PRRC2C: variants seen among roughly 807,000 people sequenced by gnomAD.
PRRC2C encodes protein PRRC2C.
PRRC2C carries 72 observed loss-of-function variants against 317.2 expected under a neutral mutation model. The ratio of observed to expected loss-of-function variants is 0.23; its 90% CI spans 0.19 to 0.28. PRRC2C has a LOEUF of 0.28. PRRC2C is among the 10% of genes least tolerant of loss of function. The pLI, the probability that PRRC2C is intolerant of heterozygous loss-of-function variation, is 1.00. For synonymous variants in PRRC2C, 1,296 were observed against 1,205.9 expected, an observed-to-expected ratio of 1.07 and a Z score of -1.55; for missense variants, 3,074 against 3,459.7, an observed-to-expected ratio of 0.89 and a Z score of 2.80.
chr1:171,528,586 C>A (rs547869014), intron 11 of PRRC2C, among the ~76,000 whole-genome samples: 2 of 152,096 alleles, frequency 1.3e-5, no homozygotes, highest in African/African-American at 4.8e-5. Context: ...CCACCGCGCC[C>A]GGCCAATGAA....
chr1:171,494,070 A>G (rs1667674739), intron 1 of PRRC2C, among the ~76,000 whole-genome samples: 1 of 152,270 alleles, frequency 6.6e-6, no homozygotes, highest in Non-Finnish European at 1.5e-5. Context: ...AAACAAAAAC[A>G]GTTTTAAGAG....
chr1:171,504,656 C>T (rs987701894), intron 1 of PRRC2C, among the ~76,000 whole-genome samples: 11 of 152,098 alleles, frequency 7.2e-5, no homozygotes, highest in Non-Finnish European at 1.5e-5. Flanking sequence ...ACCACACTGT[C>T]TTCATTGCTG....
At chr1:171,496,070 A>ACCAAGGC (rs1173175879) in intron 1 of PRRC2C, among the ~76,000 whole-genome samples, 11 of 151,748 alleles carry the variant, frequency 7.2e-5, no homozygotes, top group Non-Finnish European at 1.6e-4. Flanking sequence ...TAATTACCTC[A>ACCAAGGC]CCAAGGCCCC....
intron 20 of PRRC2C, among the ~76,000 whole-genome samples, chr1:171,564,031 G>A (rs1426308410): frequency 1.3e-5 from 2 of 152,008 alleles, no homozygotes; most frequent in African/African-American, 4.8e-5. Flanking sequence ...TTGTCTTTGT[G>A]TTCTTTATGT....
intron 17 of PRRC2C, among the ~76,000 whole-genome samples, chr1:171,547,232 C>T (rs973512232): frequency 6.6e-6 from 1 of 152,100 alleles, no homozygotes; most frequent in African/African-American, 2.4e-5. Context: ...GTCTTTAGTT[C>T]TTTTTCCTGG....
chr1:171,498,815 T>C (rs1481229637), intron 1 of PRRC2C, among the ~76,000 whole-genome samples: 1 of 152,176 alleles, frequency 6.6e-6, no homozygotes, highest in African/African-American at 2.4e-5. Flanking sequence ...GCTTTCTTTT[T>C]TTTGTTTTTG....
chr1:171,566,229 C>A lies in PRRC2C; in HGVS notation c.6118-4C>A. 6.2e-7 allele frequency: 1 copy of A among 1,604,148 alleles called. No individual in the cohort carries two copies. The highest frequency in any genetic ancestry group is 2.2e-5 in the East Asian group (1 of 44,652). ...AAGCAAGTTTTAAAATATTCTTTTA[C>A]TAGGGAGCGAAGAATGGTCAAGAAA... On this transcript the variant is annotated splice_polypyrimidine_tract_variant and splice_region_variant and intron_variant, in intron 20 of 34. Transcript: ENST00000647382.
At chr1:171,512,530 T>C (rs1179014823) in intron 2 of PRRC2C, 1 of 281,666 alleles carries the variant, frequency 3.6e-6, no homozygotes, top group African/African-American at 2.2e-5. Context: ...AGTATCTTTT[T>C]AATTATAGAC....
chr1:171,540,423 T>C lies in PRRC2C; in HGVS notation c.2957T>C (p.Val986Ala), dbSNP rs1677754868. The C allele has an allele frequency of 8.1e-6, 13 of 1,612,754 alleles. No homozygotes were observed. The East Asian group carries it at 2.9e-4, about 36-fold the overall frequency. Residue 986 changes from valine (V) to alanine (A), a missense_variant, in exon 16 of 35, where the codon GTA becomes GCA. This residue lies in a region of PRRC2C where 1,320 missense variants were observed against 1,395.7 expected (regional missense o/e 0.95). Transcript: ENST00000647382. ...RSSEGPKPEK[V>A]YKSKSETRWG... ...TCTGAAGGACCAAAACCTGAAAAAGTATATAAATCTAAATCAGAAACTCGT... is the reference window on the plus strand; with the variant it reads ...TCTGAAGGACCAAAACCTGAAAAAGCATATAAATCTAAATCAGAAACTCGT...
Position 171,568,514 on chromosome 1 carries a change from G to C in PRRC2C, c.6651+175G>C, listed in dbSNP as rs1684102669. On this transcript the variant is annotated intron_variant, in intron 23 of 34. Transcript: ENST00000647382. ...ATAATTAGCAAAAATAGTCAAAGCT[G>C]AGTTTTTTATTTTTCCTCTGAAAGC... Among the ~76,000 whole-genome samples the C allele has an allele frequency of 2.6e-5, 4 of 152,152 alleles. 1 individual carries two copies. Among genetic ancestry groups the C allele is most frequent in the Admixed American group, 2.6e-4 (4 of 15,274 alleles).
In PRRC2C at chr1:171,532,748, CAA is replaced by C. The variant is rs1557933353; in HGVS notation, c.1662_1663del (p.Glu556AsnfsTer34). On this transcript the variant is annotated frameshift_variant, in exon 12 of 35. Transcript: ENST00000647382. LOFTEE classifies it high-confidence loss of function. ...EKELEKEQEK[Q>X]REMEKERKQE... ...AGAGCTGGAGAAGGAGCAGGAAAAACAAAGAGAAATGGAGAAAGAAAGAAAGC... is the reference window on the plus strand; with the variant it reads ...AGAGCTGGAGAAGGAGCAGGAAAAACAGAGAAATGGAGAAAGAAAGAAAGC... The C allele has an allele frequency of 4.6e-6, 7 of 1,533,280 alleles. No homozygotes were observed. Among genetic ancestry groups the C allele is most frequent in the African/African-American group, 1.4e-5 (1 of 70,886 alleles). 95.0% of individuals were successfully genotyped at this position (1,533,280 alleles called of 1,614,324 possible).
At chr1:171,503,455 C>T (rs751392017) in intron 1 of PRRC2C, among the ~76,000 whole-genome samples, 47 of 151,238 alleles carry the variant, frequency 3.1e-4, no homozygotes, top group Non-Finnish European at 5.6e-4. Context: ...ACCCGGGAGG[C>T]GGAGGTTGCT....
At chr1:171,505,476 A>C (rs1386735822) in intron 1 of PRRC2C, among the ~76,000 whole-genome samples, 3 of 152,176 alleles carry the variant, frequency 2.0e-5, no homozygotes, top group African/African-American at 7.2e-5. Flanking sequence ...TTAAGATATC[A>C]GATTTTCTAC....
chr1:171,511,124 A>G (rs1028137826), intron 1 of PRRC2C: 1 of 152,068 alleles, frequency 6.6e-6, no homozygotes, highest in African/African-American at 2.4e-5. Context: ...TCAGTTCTCA[A>G]TGTTTTCAGC....
chr1:171,549,827 G>C (rs112638591), intron 17 of PRRC2C, among the ~76,000 whole-genome samples: 2 of 152,286 alleles, frequency 1.3e-5, no homozygotes, highest in Non-Finnish European at 2.9e-5. Flanking sequence ...CTCCAAAAGT[G>C]CTGGGATTAC....
At chr1:171,525,011 A>G (rs777333833) in intron 10 of PRRC2C, 46 bp downstream of exon 10, 2 of 1,465,704 alleles carry the variant, frequency 1.4e-6, no homozygotes, top group South Asian at 2.6e-5. Context: ...GGATCTCCTT[A>G]TTGTAATTAC....
intron 13 of PRRC2C, 81 bp downstream of exon 13, chr1:171,535,678 T>G (rs1310881487): frequency 1.4e-6 from 2 of 1,419,958 alleles, no homozygotes; most frequent in African/African-American, 2.9e-5. Flanking sequence ...GACATAAAAC[T>G]GATAATACGT....
At position 171,538,742 on chromosome 1, in the gene PRRC2C, C is replaced by T. The variant is rs115071107; in HGVS notation, c.2505-1229C>T. On this transcript the variant is annotated intron_variant, in intron 15 of 34. Coordinates refer to ENST00000647382, the MANE Select transcript of PRRC2C (RefSeq NM_001387844.1). ...TATTTTTATTTTTTGAGAAGGGTCT[C>T]GCTCTGTCAGCCAGGCTGGAGTGCA... Among the ~76,000 whole-genome samples, 739 of 152,084 alleles carry T rather than the reference C, an allele frequency of 4.9e-3. 4 individuals are homozygous for T. Among genetic ancestry groups the T allele is most frequent in the African/African-American group, 0.017 (686 of 41,462 alleles).
intron 15 of PRRC2C, 150 bp from the exon 16 acceptor site, chr1:171,539,821 T>G (rs1677630241): frequency 2.8e-6 from 2 of 720,916 alleles, no homozygotes; most frequent in African/African-American, 3.6e-5. Context: ...TTGTGAGTAA[T>G]TCTCCTCTAA....
Sources: allele counts gnomAD v4.1 joint callset (sites outside exome capture counted in the v4.1 genomes callset), GRCh38; gene constraint gnomAD v4.1.1; regional missense constraint gnomAD v4.1.1; transcripts MANE v1.5; gene names NCBI Gene and HGNC (gene_info 2026-07-23, HGNC 2026-07-21).